NRG1: variants seen among roughly 807,000 people sequenced by gnomAD.
NRG1 encodes pro-neuregulin-1, membrane-bound isoform.
Under a neutral mutation model 63.8 loss-of-function variants are expected in NRG1, and 18 were observed. The observed-to-expected ratio is 0.28, with a 90% CI of 0.19 to 0.42. NRG1 has a LOEUF of 0.42. Among genes scored for constraint, NRG1 ranks in the 10% least tolerant of loss-of-function variants. NRG1 has a pLI of 1.00. For synonymous variants in NRG1, 302 were observed against 301.3 expected, an observed-to-expected ratio of 1.00 and a Z score of -0.02; for missense variants, 762 against 814.7, an observed-to-expected ratio of 0.94 and a Z score of 0.79.
At chr8:32,277,921 G>A (rs932744720) in intron 1 of NRG1, among the ~76,000 whole-genome samples, 2 of 152,188 alleles carry the variant, frequency 1.3e-5, no homozygotes, top group Admixed American at 6.6e-5. Context: ...AGTTTGCACT[G>A]AGCCATGCTT....
At chr8:32,754,576 TAA>T (rs913106624) in intron 8 of NRG1, 102 bp downstream of exon 8, 94 of 856,558 alleles carry the variant, frequency 1.1e-4, no homozygotes, top group South Asian at 1.7e-4. Flanking sequence ...GTCTTGGGGA[TAA>T]AAAAAAAAGG....
chr8:31,665,787 C>T (rs146186796), intron 1 of NRG1, among the ~76,000 whole-genome samples: 5 of 151,832 alleles, frequency 3.3e-5, no homozygotes, highest in Admixed American at 6.6e-5. Context: ...TGAAATGGTG[C>T]GATATGACCC....
At chr8:32,393,535 A>G (rs561916954) in intron 1 of NRG1, among the ~76,000 whole-genome samples, 12 of 152,250 alleles carry the variant, frequency 7.9e-5, no homozygotes, top group Non-Finnish European at 1.5e-4. Context: ...CATATATACC[A>G]TGGAATACTA....
intron 1 of NRG1, among the ~76,000 whole-genome samples, chr8:32,489,131 A>G (rs551695875): frequency 3.3e-5 from 5 of 152,134 alleles, no homozygotes; most frequent in Non-Finnish European, 5.9e-5. Context: ...AGCACTTCAC[A>G]TCCCTTTTCC....
chr8:32,424,888 C>A (rs963274091), intron 1 of NRG1, among the ~76,000 whole-genome samples: 2 of 151,880 alleles, frequency 1.3e-5, no homozygotes, highest in African/African-American at 4.8e-5. Context: ...AAACAACAAA[C>A]AAACAAACAA....
intron 1 of NRG1, among the ~76,000 whole-genome samples, chr8:32,574,908 A>C (rs1255268827): frequency 6.6e-6 from 1 of 152,202 alleles, no homozygotes; most frequent in East Asian, 1.9e-4. Flanking sequence ...AGAATTTCTG[A>C]ACCTTCAATC....
At chr8:32,627,754 A>C (rs1849558441) in intron 5 of NRG1, among the ~76,000 whole-genome samples, 2 of 143,142 alleles carry the variant, frequency 1.4e-5, no homozygotes, top group Middle Eastern at 3.7e-3. Context: ...AATCCAGTAA[A>C]GTAAATTAAT....
chr8:31,893,055 G>C (rs1831276433), intron 1 of NRG1, among the ~76,000 whole-genome samples: 1 of 151,564 alleles, frequency 6.6e-6, no homozygotes, highest in African/African-American at 2.4e-5. Flanking sequence ...AAAACCCTAA[G>C]AGTATAAAAG....
chr8:32,089,407 A>G (rs557670607), intron 1 of NRG1, among the ~76,000 whole-genome samples: 6 of 152,236 alleles, frequency 3.9e-5, no homozygotes, highest in Non-Finnish European at 8.8e-5. Context: ...GTTCTTGCAT[A>G]TGAAACATGA....
chr8:31,814,648 A>C (rs998199647), intron 1 of NRG1, among the ~76,000 whole-genome samples: 4 of 148,124 alleles, frequency 2.7e-5, no homozygotes, highest in Non-Finnish European at 4.5e-5. Context: ...ATATTAAATA[A>C]TTTAAAATTA....
At chr8:32,569,755 T>C (rs1838150795) in intron 1 of NRG1, among the ~76,000 whole-genome samples, 1 of 152,010 alleles carries the variant, frequency 6.6e-6, no homozygotes, top group African/African-American at 2.4e-5. Context: ...TATTGTGAGC[T>C]CATTGTTTTT....
chr8:32,115,521 C>T (rs1035618871), intron 1 of NRG1, among the ~76,000 whole-genome samples: 1 of 152,002 alleles, frequency 6.6e-6, no homozygotes, highest in African/African-American at 2.4e-5. Context: ...AAGTCTTCCT[C>T]GTTGTCATTG....
At chr8:31,836,803 T>G (rs1427119393) in intron 1 of NRG1, among the ~76,000 whole-genome samples, 1 of 152,048 alleles carries the variant, frequency 6.6e-6, no homozygotes, top group Non-Finnish European at 1.5e-5. Flanking sequence ...TTCCTAGAAA[T>G]GAATGCACTA....
chr8:32,030,404 A>G (rs1446406003), intron 1 of NRG1: 1 of 152,220 alleles, frequency 6.6e-6, no homozygotes, highest in Non-Finnish European at 1.5e-5. Context: ...GACAAAGAGT[A>G]GATTTTGGCC....
intron 7 of NRG1, among the ~76,000 whole-genome samples, chr8:32,743,597 A>ATATATATATATATATATATATAT (rs1335040311): frequency 8.1e-5 from 3 of 37,034 alleles, no homozygotes; most frequent in African/African-American, 2.0e-4. Flanking sequence ...TATATATATA[A>ATATATATATATATATATATATAT]AACTTAATAA....
chr8:31,884,230 G>A (rs966467064), intron 1 of NRG1, among the ~76,000 whole-genome samples: 1 of 152,082 alleles, frequency 6.6e-6, no homozygotes, highest in African/African-American at 2.4e-5. Flanking sequence ...GAGGCCTCGT[G>A]TAAAATAAGC....
chr8:31,714,139 A>G (rs2131271578), intron 1 of NRG1, among the ~76,000 whole-genome samples: 1 of 152,320 alleles, frequency 6.6e-6, no homozygotes, highest in Admixed American at 6.5e-5. Flanking sequence ...GAGACTATGT[A>G]TGCTTGGAAG....
chr8:31,665,671 A>T (rs1806457345), intron 1 of NRG1, among the ~76,000 whole-genome samples: 1 of 152,146 alleles, frequency 6.6e-6, no homozygotes, highest in African/African-American at 2.4e-5. Flanking sequence ...CCTTTATGAA[A>T]GTTTTCTTTG....
chr8:31,744,899 A>G (rs1392127263), intron 1 of NRG1, among the ~76,000 whole-genome samples: 1 of 151,986 alleles, frequency 6.6e-6, no homozygotes, highest in East Asian at 1.9e-4. Flanking sequence ...GTGTGACATC[A>G]TGGCTTAGCA....
Sources: gnomAD v4.1 joint callset for allele counts (sites outside exome capture counted in the v4.1 genomes callset) on GRCh38, gnomAD v4.1.1 for gene constraint, MANE v1.5 for transcripts, NCBI Gene and HGNC (gene_info 2026-07-23, HGNC 2026-07-21) for gene names.